MCF2L: variants seen among roughly 807,000 people sequenced by gnomAD.
The protein encoded by MCF2L is guanine nucleotide exchange factor DBS.
MCF2L carries 97 observed loss-of-function variants against 153.4 expected under a neutral mutation model. The ratio of observed to expected loss-of-function variants is 0.63; its 90% CI spans 0.54 to 0.75. The LOEUF is 0.75. Among genes scored for constraint, MCF2L ranks in the 30% least tolerant of loss-of-function variants. The pLI, the probability that MCF2L is intolerant of heterozygous loss-of-function variation, is 0.00. For missense variants in MCF2L, 1,347 were observed against 1,495.2 expected (o/e 0.90, Z 1.64); for synonymous variants, 659 against 632.2 (o/e 1.04, Z -0.64).
upstream of MCF2L, chr13:112,967,846 C>G (rs375447215): frequency 0.01 from 1,621 of 156,642 alleles, 55 homozygotes; most frequent in African/African-American, 0.042. Flanking sequence ...ATGGTGCACG[C>G]ATGCCCTGTT....
At chr13:112,918,589 G>A (rs191975158) in intron 2 of MCF2L, among the ~76,000 whole-genome samples, 48 of 152,302 alleles carry the variant, frequency 3.2e-4, no homozygotes, top group East Asian at 3.1e-3. Flanking sequence ...ATGCAGGGGC[G>A]TGGGGTGGCT....
chr13:112,985,306 AGAAAGGTCCTGTTACAAG>A, intron 1 of MCF2L: 2 of 436,402 alleles, frequency 4.6e-6, no homozygotes, highest in South Asian at 3.2e-5. Context: ...AGTTCAGCAT[AGAAAGGTCCTGTTACAAG>A]GAGAGGGTTG....
intron 1 of MCF2L, among the ~76,000 whole-genome samples, chr13:112,984,036 G>A (rs566015098): frequency 1.3e-5 from 2 of 152,274 alleles, no homozygotes; most frequent in East Asian, 3.9e-4. Context: ...TGGAGGTTGG[G>A]GCCGGTGCCA....
chr13:112,946,808 A>G (rs1003362337), intron 2 of MCF2L, among the ~76,000 whole-genome samples: 2 of 152,218 alleles, frequency 1.3e-5, no homozygotes, highest in Non-Finnish European at 2.9e-5. Flanking sequence ...GGAAGGTGGA[A>G]CAGACATACT....
chr13:112,915,662 T>C (rs9603998), intron 2 of MCF2L, among the ~76,000 whole-genome samples: 46,575 of 151,876 alleles, frequency 0.31, 7,294 homozygotes, highest in Non-Finnish European at 0.34. Context: ...GTTCCTGTTA[T>C]CTAATTACAT....
Position 113,096,543 on chromosome 13 carries a change from C to A in MCF2L, c.3189-7C>A. 1.3e-5 allele frequency: 21 copies of A among 1,601,838 alleles called. No homozygotes were observed. Among genetic ancestry groups the A allele is most frequent in the Non-Finnish European group, 1.8e-5 (21 of 1,176,198 alleles). On this transcript the variant is annotated splice_region_variant and splice_polypyrimidine_tract_variant and intron_variant, in intron 28 of 29. Coordinates refer to ENST00000535094, the MANE Select transcript of MCF2L (RefSeq NM_001112732.3). ...ACGTGGCTGCCGCTGACCCTCGCCC[C>A]TTGCAGGTACGTCAGGGACCCGACC...
chr13:113,059,997 A>C (rs1301246815), intron 4 of MCF2L, among the ~76,000 whole-genome samples: 1 of 152,244 alleles, frequency 6.6e-6, no homozygotes. Context: ...GTTCCCTCCC[A>C]GCCCCGGAGG....
At chr13:112,915,448 G>A (rs2081282802) in intron 2 of MCF2L, among the ~76,000 whole-genome samples, 1 of 137,546 alleles carries the variant, frequency 7.3e-6, no homozygotes, top group Non-Finnish European at 1.6e-5. Context: ...ACACGCATCA[G>A]CAGTTGCCAC....
At chr13:112,999,524 T>C (rs943658931) in intron 1 of MCF2L, among the ~76,000 whole-genome samples, 2 of 152,162 alleles carry the variant, frequency 1.3e-5, no homozygotes, top group African/African-American at 4.8e-5. Flanking sequence ...GCTCACTCCA[T>C]CTGCATCAGC....
At chr13:113,001,625 GC>G (rs1462715663) in intron 1 of MCF2L, 2 of 1,222,690 alleles carry the variant, frequency 1.6e-6, no homozygotes, top group African/African-American at 3.2e-5. Context: ...GGAACCTGAA[GC>G]CTCCCTGGCC....
intron 26 of MCF2L, chr13:113,091,240 G>C: frequency 7.7e-7 from 1 of 1,301,642 alleles, no homozygotes; most frequent in Non-Finnish European, 1.0e-6. Flanking sequence ...GCGTTGGCAG[G>C]AAGCGCGGCC....
chr13:113,008,198 G>A (rs915078822), intron 1 of MCF2L, among the ~76,000 whole-genome samples: 3 of 152,204 alleles, frequency 2.0e-5, no homozygotes, highest in South Asian at 4.1e-4. Flanking sequence ...ATTTATAGGC[G>A]TGAGCCACTG....
At position 113,035,462 on chromosome 13, in the gene MCF2L, C is replaced by G. The variant is rs1330121109; in HGVS notation, c.279-9809C>G. Among the ~76,000 whole-genome samples, 2 of 152,196 alleles carry G rather than the reference C, an allele frequency of 1.3e-5. No homozygotes were observed. The highest frequency in any genetic ancestry group is 2.9e-5 in the Non-Finnish European group (2 of 68,044). On this transcript the variant is annotated intron_variant, in intron 3 of 29. Coordinates refer to ENST00000535094, the MANE Select transcript of MCF2L (RefSeq NM_001112732.3). The surrounding 1 kb of genome is among the most constrained non-coding windows in gnomAD (Gnocchi z 4.4). ...CACCCGGCTCTGCAGTCTGTTTTGC[C>G]GTTTTCCGCCTCAAACCCCCTCTGC...
At chr13:112,921,720 A>G (rs2081354907) in intron 2 of MCF2L, among the ~76,000 whole-genome samples, 1 of 152,252 alleles carries the variant, frequency 6.6e-6, no homozygotes, top group South Asian at 2.1e-4. Flanking sequence ...CCTAGACGTT[A>G]AGAATAAAAT....
At chr13:113,085,249 C>A in intron 20 of MCF2L, 71 bp downstream of exon 20, 1 of 1,408,070 alleles carries the variant, frequency 7.1e-7, no homozygotes, top group Non-Finnish European at 1.0e-6. Context: ...CGCCCTGGGG[C>A]CCCGTCCCCA....
chr13:112,923,477 G>C (rs527793849), intron 2 of MCF2L, among the ~76,000 whole-genome samples: 1 of 152,078 alleles, frequency 6.6e-6, no homozygotes, highest in East Asian at 1.9e-4. Flanking sequence ...TGTTAGCCAG[G>C]ATGGTCTCAA....
At chr13:112,914,741 TTG>T (rs1419946252) in intron 2 of MCF2L, among the ~76,000 whole-genome samples, 4 of 147,650 alleles carry the variant, frequency 2.7e-5, no homozygotes, top group African/African-American at 1.1e-4. Context: ...GTTTTTATCT[TTG>T]TTTGCCCATA....
Position 113,031,906 on chromosome 13 carries a change from G to T in MCF2L, c.278+7148G>T, listed in dbSNP as rs187068223. ...CACACACACAGATGCACGCAGACAC[G>T]CAGGCACTCATGCACTTACATACAC... On this transcript the variant is annotated intron_variant, in intron 3 of 29. Coordinates refer to ENST00000535094, the MANE Select transcript of MCF2L (RefSeq NM_001112732.3). This position sits in a 1 kb window ranked among gnomAD's most constrained non-coding sequence, Gnocchi z 5.5. 1.1e-4 allele frequency among the ~76,000 whole-genome samples: 17 copies of T among 151,688 alleles called. No homozygotes were observed. The highest frequency in any genetic ancestry group is 3.9e-4 in the African/African-American group (16 of 41,276).
At chr13:113,011,678 T>A (rs2084124651) in intron 1 of MCF2L, among the ~76,000 whole-genome samples, 2 of 136,322 alleles carry the variant, frequency 1.5e-5, no homozygotes, top group Admixed American at 7.2e-5. Flanking sequence ...ATGCAGACGG[T>A]GGACAGGCGG....
Sources: allele counts gnomAD v4.1 joint callset (sites outside exome capture counted in the v4.1 genomes callset), GRCh38; gene constraint gnomAD v4.1.1; non-coding constraint Gnocchi (gnomAD v3.1); transcripts MANE v1.5; gene names NCBI Gene and HGNC (gene_info 2026-07-23, HGNC 2026-07-21).